Variants in FMO2 observed in about 807,000 individuals in gnomAD.
FMO2 encodes the protein flavin containing dimethylaniline monoxygenase 2, also known as flavin-containing monooxygenase 2.
A neutral mutation model predicts 41.6 loss-of-function variants in FMO2; 33 were observed. That is an observed-to-expected ratio of 0.79 (90% CI 0.60 to 1.06). FMO2 has a LOEUF of 1.06. Ranked by LOEUF, FMO2 falls within the 50% of genes least tolerant of loss-of-function variation. The probability of loss-of-function intolerance (pLI) is 0.00; values close to 1 mark genes in which losing one functional copy is unlikely to be tolerated. For synonymous variants in FMO2, 214 were observed against 219.6 expected (o/e 0.97, Z 0.23); for missense variants, 619 against 632.9 (o/e 0.98, Z 0.23).
chr1:171,196,717 G>A lies in FMO2; in HGVS notation c.390G>A (p.Gln130=). Reference sequence around the variant, plus strand: ...CTGGCCAATGGAAGGTTGTCACTCAGAGCAACGGCAAGGAGCAGAGTGCTG... The same window carrying A: ...CTGGCCAATGGAAGGTTGTCACTCAAAGCAACGGCAAGGAGCAGAGTGCTG... ...SSSGQWKVVT[Q]SNGKEQSAVF... is the part of the protein sequence containing the mutation. The change falls in exon 4 of 9, where the codon CAG becomes CAA. Residue 130 remains glutamine, a synonymous_variant. Coordinates refer to ENST00000209929, the MANE Select transcript of FMO2 (RefSeq NM_001460.5). 1.9e-6 allele frequency: 3 copies of A among 1,613,646 alleles called. No homozygotes were observed. Among genetic ancestry groups the A allele is most frequent in the African/African-American group, 2.7e-5 (2 of 75,038 alleles).
chr1:171,196,854 A>G (rs1326367031), intron 4 of FMO2, 43 bp downstream of exon 4: 1 of 1,583,714 alleles, frequency 6.3e-7, no homozygotes, highest in East Asian at 2.2e-5. Context: ...GTAGGTTTCC[A>G]GGTACTTTAT....
At chr1:171,208,365 G>A (rs143885466) in intron 8 of FMO2, among the ~76,000 whole-genome samples, 121 of 152,268 alleles carry the variant, frequency 7.9e-4, no homozygotes, top group African/African-American at 2.7e-3. Flanking sequence ...GATTGATTGA[G>A]TATCTACTAT....
rs1658940192 is a variant in FMO2, at chr1:171,210,625, G to A, written c.*1480G>A. The A allele has an allele frequency of 6.6e-6, 1 of 152,242 alleles. No homozygotes were observed. Among genetic ancestry groups the A allele is most frequent in the African/African-American group, 2.4e-5 (1 of 41,468 alleles). The allele number at this position is 152,242 out of a possible 1,614,324, so 9.4% of individuals were successfully genotyped here. ...CTGAGTCCAAACCAAGCCCTTCCAAGAGAGAACAAAGGTCAGAGATGTTGA... is the reference window on the plus strand; with the variant it reads ...CTGAGTCCAAACCAAGCCCTTCCAAAAGAGAACAAAGGTCAGAGATGTTGA... On this transcript the variant is annotated 3_prime_UTR_variant, in exon 9 of 9. Transcript: ENST00000209929.
Position 171,209,219 on chromosome 1 carries a change from A to G in FMO2, c.*74A>G, listed in dbSNP as rs1360313259. 9.5e-6 allele frequency: 4 copies of G among 421,736 alleles called. No homozygotes were observed. Among genetic ancestry groups the G allele is most frequent in the Non-Finnish European group, 1.7e-5 (4 of 240,076 alleles). The allele number at this position is 421,736 out of a possible 1,614,324, so 26.1% of individuals were successfully genotyped here. A position where few individuals can be genotyped will look rare whatever the true frequency, so the allele number is the denominator to read the frequency against. ...AAGAAAAAAAAAAAGGCTAGAAGAA[A>G]AAACATTACATTCATGTTCTAATTA... On this transcript the variant is annotated 3_prime_UTR_variant, in exon 9 of 9. Transcript: ENST00000209929.
intron 2 of FMO2, among the ~76,000 whole-genome samples, chr1:171,190,380 A>G (rs1658030850): frequency 6.6e-6 from 1 of 152,198 alleles, no homozygotes; most frequent in African/African-American, 2.4e-5. Flanking sequence ...TAAACAAATT[A>G]TAGCAAATTC....
rs1380681542 is a variant in FMO2, at chr1:171,211,951, C to T, written c.*2806C>T. Among the ~76,000 whole-genome samples the T allele has an allele frequency of 6.6e-6, 1 of 152,106 alleles. No individual in the cohort carries two copies. The highest frequency in any genetic ancestry group is 2.4e-5 in the African/African-American group (1 of 41,414). Reference sequence around the variant, plus strand: ...TAGAAACCATTAGTTTGAGATCTCTCAAAAATAAAAATAAAAATTGCTTTC... The same window carrying T: ...TAGAAACCATTAGTTTGAGATCTCTTAAAAATAAAAATAAAAATTGCTTTC... On this transcript the variant is annotated 3_prime_UTR_variant, in exon 9 of 9. Coordinates refer to ENST00000209929, the MANE Select transcript of FMO2 (RefSeq NM_001460.5).
intron 6 of FMO2, among the ~76,000 whole-genome samples, chr1:171,204,338 A>C (rs1658665274): frequency 6.6e-6 from 1 of 152,190 alleles, no homozygotes. Flanking sequence ...AACATTGGAG[A>C]AAACTGTTTC....
In FMO2 at chr1:171,199,376, A is replaced by G. The variant is rs534739387; in HGVS notation, c.515A>G (p.His172Arg). The G allele has an allele frequency of 3.8e-4, 609 of 1,610,380 alleles. 8 individuals carry two copies. The South Asian group carries it at 6.4e-3, about 17-fold the overall frequency. ...GAGAGGTTCAAAGGCCAATATTTCC[A>G]TAGCCGCCAATACAAGCATCCAGAT... ...GMERFKGQYFHSRQYKHPDGF... is the reference protein window; with the variant it reads ...GMERFKGQYFRSRQYKHPDGF... The change falls in exon 5 of 9, where the codon CAT becomes CGT. Residue 172 changes from histidine to arginine, a missense_variant. Transcript: ENST00000209929.
intron 2 of FMO2, among the ~76,000 whole-genome samples, chr1:171,189,987 AATTTT>A (rs1296252133): frequency 1.3e-5 from 2 of 152,312 alleles, no homozygotes; most frequent in East Asian, 3.9e-4. Flanking sequence ...AAAGAAAGGC[AATTTT>A]ATTCTTTCTA....
In FMO2 at chr1:171,212,231, G is replaced by A. The variant is rs1659010891; in HGVS notation, c.*3086G>A. On this transcript the variant is annotated 3_prime_UTR_variant, in exon 9 of 9. Transcript: ENST00000209929. The stretch of plus-strand genomic sequence containing the variant: ...AGATTAATCCCATTATCTCAGGAGT[G>A]TGTTGGTTATAAAAGCAAGTTTGGC... 6.6e-6 allele frequency among the ~76,000 whole-genome samples: 1 copy of A among 152,144 alleles called. No individual in the cohort carries two copies. Among genetic ancestry groups the A allele is most frequent in the African/African-American group, 2.4e-5 (1 of 41,414 alleles).
rs766313393 is a variant in FMO2 at position 171,185,843 on chromosome 1, AAAGT to A, written c.132+3_132+6del. 6 of 1,613,642 alleles carry A rather than the reference AAAGT, an allele frequency of 3.7e-6. No individual in the cohort carries two copies. The highest frequency in any genetic ancestry group is 5.1e-6 in the Non-Finnish European group (6 of 1,179,660). On this transcript the variant is annotated splice_donor_variant and coding_sequence_variant, in exon 2 of 9. Coordinates refer to ENST00000209929, the MANE Select transcript of FMO2 (RefSeq NM_001460.5). LOFTEE classifies it high-confidence loss of function. ...AGATATTGGAGGAGTGTGGAGGTTC[AAAGT>A]AAGTGAGATTTTCTTGGGTCTTGAA...
At chr1:171,196,538 A>T in intron 3 of FMO2, 111 bp from the exon 4 acceptor site, 1 of 865,424 alleles carries the variant, frequency 1.2e-6, no homozygotes, top group Non-Finnish European at 1.8e-6. Context: ...TTAACAGATT[A>T]GTCCCACTGC....
intron 2 of FMO2, among the ~76,000 whole-genome samples, chr1:171,189,967 G>A (rs1451352627): frequency 6.6e-6 from 1 of 152,112 alleles, no homozygotes; most frequent in Admixed American, 6.5e-5. Flanking sequence ...TAGAATCACA[G>A]AATATTCTTA....
chr1:171,206,813 C>G (rs930074362), intron 7 of FMO2, among the ~76,000 whole-genome samples: 2 of 152,118 alleles, frequency 1.3e-5, no homozygotes, highest in African/African-American at 2.4e-5. Context: ...ACTGAAATAG[C>G]CTATGCTAAA....
Position 171,195,723 on chromosome 1 carries a change from G to A in FMO2, c.322-926G>A, listed in dbSNP as rs75832503. 9.2e-5 allele frequency among the ~76,000 whole-genome samples: 14 copies of A among 152,158 alleles called. No homozygotes were observed. The East Asian group carries it at 1.7e-3, about 19-fold the overall frequency. On this transcript the variant is annotated intron_variant, in intron 3 of 8. Coordinates refer to ENST00000209929, the MANE Select transcript of FMO2 (RefSeq NM_001460.5). ...ATAAACTTTGCTTCCACTTGACATC[G>A]TTTCTTAATCCAGCAGATATGAAAC... is the stretch of plus-strand genomic sequence containing the variant.
chr1:171,190,811 G>C (rs1658050089), intron 2 of FMO2, among the ~76,000 whole-genome samples: 1 of 152,150 alleles, frequency 6.6e-6, no homozygotes, highest in Non-Finnish European at 1.5e-5. Context: ...AGACAAGGGG[G>C]TCTTTTTTAG....
chr1:171,188,030 A>ATTTTTTTTTTTTT (rs67830022), intron 2 of FMO2, among the ~76,000 whole-genome samples: 2 of 97,726 alleles, frequency 2.0e-5, no homozygotes, highest in East Asian at 2.9e-4. Context: ...TTCAGCTGGA[A>ATTTTTTTTTTTTT]TTTTTTTTTT....
intron 2 of FMO2, among the ~76,000 whole-genome samples, 194 bp from the exon 3 acceptor site, chr1:171,193,141 C>T (rs990798477): frequency 6.6e-6 from 1 of 152,172 alleles, no homozygotes; most frequent in African/African-American, 2.4e-5. Flanking sequence ...GTGAGCGTCA[C>T]AGGCAGGCAA....
chr1:171,192,173 AAT>A (rs767390640), intron 2 of FMO2, among the ~76,000 whole-genome samples: 9 of 152,210 alleles, frequency 5.9e-5, no homozygotes, highest in Admixed American at 1.3e-4. Context: ...AACATCCAGA[AAT>A]AGTTTACACA....
Sources: allele counts gnomAD v4.1 joint callset (sites outside exome capture counted in the v4.1 genomes callset), GRCh38; gene constraint gnomAD v4.1.1; transcripts MANE v1.5; gene names NCBI Gene and HGNC (gene_info 2026-07-23, HGNC 2026-07-21).